Variants in PLD5 observed in about 807,000 individuals in gnomAD.
PLD5 encodes inactive phospholipase D5.
In PLD5, 36 loss-of-function variants were observed where a neutral mutation model predicts 61.1. The ratio of observed to expected loss-of-function variants is 0.59; its 90% CI spans 0.45 to 0.78. The LOEUF (loss-of-function observed/expected upper bound fraction) is 0.78, where lower values mean the gene tolerates loss of function less well. Among genes scored for constraint, PLD5 ranks in the 30% least tolerant of loss-of-function variants. The pLI, the probability that PLD5 is intolerant of heterozygous loss-of-function variation, is 0.00. For missense variants in PLD5, 515 were observed against 644.4 expected (o/e 0.80, Z 2.17); for synonymous variants, 243 against 242.8 (o/e 1.00, Z -0.01).
intron 5 of PLD5, among the ~76,000 whole-genome samples, chr1:242,147,351 C>A (rs777532055): frequency 3.3e-5 from 5 of 152,090 alleles, no homozygotes; most frequent in African/African-American, 4.8e-5. Flanking sequence ...TAGTTTGTTT[C>A]TTTTTATTGC....
At chr1:242,180,920 C>A (rs1441515520) in intron 5 of PLD5, among the ~76,000 whole-genome samples, 1 of 152,010 alleles carries the variant, frequency 6.6e-6, no homozygotes, top group Non-Finnish European at 1.5e-5. Context: ...GAGGTCAAGG[C>A]TGCAGTGAGC....
At chr1:242,494,083 GCCCTC>G (rs1337027323) in intron 1 of PLD5, among the ~76,000 whole-genome samples, 1 of 100,402 alleles carries the variant, frequency 1.0e-5, no homozygotes, top group Non-Finnish European at 1.9e-5. Flanking sequence ...CCCCTCCCCT[GCCCTC>G]CCTTCCCCTC....
At chr1:242,522,894 A>G (rs778174619) in intron 1 of PLD5, among the ~76,000 whole-genome samples, 1 of 152,188 alleles carries the variant, frequency 6.6e-6, no homozygotes, top group Non-Finnish European at 1.5e-5. Flanking sequence ...TCAAAGCTTC[A>G]TATTAGAGCT....
intron 1 of PLD5, among the ~76,000 whole-genome samples, chr1:242,495,930 G>A (rs911133315): frequency 2.0e-5 from 3 of 152,312 alleles, no homozygotes; most frequent in South Asian, 2.1e-4. Flanking sequence ...ACATGTTGTC[G>A]TGTTTCATGT....
At chr1:242,131,463 G>A (rs146218261) in intron 5 of PLD5, among the ~76,000 whole-genome samples, 10 of 152,304 alleles carry the variant, frequency 6.6e-5, no homozygotes, top group Non-Finnish European at 7.4e-5. Flanking sequence ...TTGATAACAA[G>A]AGAAGCAATG....
chr1:242,279,955 A>G (rs1055658571), intron 3 of PLD5, among the ~76,000 whole-genome samples: 1 of 152,186 alleles, frequency 6.6e-6, no homozygotes, highest in African/African-American at 2.4e-5. Flanking sequence ...TTCTTTTTGT[A>G]AGATTACATA....
intron 1 of PLD5, among the ~76,000 whole-genome samples, chr1:242,504,256 A>C (rs545377045): frequency 2.0e-5 from 3 of 152,336 alleles, no homozygotes; most frequent in Non-Finnish European, 4.4e-5. Context: ...TGTTGTTTTC[A>C]TCATTCTGGT....
At chr1:242,285,905 C>A (rs1163222905) in intron 3 of PLD5, among the ~76,000 whole-genome samples, 2 of 152,032 alleles carry the variant, frequency 1.3e-5, no homozygotes, top group Non-Finnish European at 2.9e-5. Context: ...GTCAGGAATT[C>A]GAGACCAGCC....
intron 5 of PLD5, among the ~76,000 whole-genome samples, chr1:242,170,137 G>GA (rs1338530417): frequency 6.6e-6 from 1 of 152,224 alleles, no homozygotes; most frequent in East Asian, 1.9e-4. Flanking sequence ...ATTCTGACTG[G>GA]AAGACAACTC....
intron 8 of PLD5, among the ~76,000 whole-genome samples, chr1:242,105,144 C>T (rs1043665455): frequency 6.6e-6 from 1 of 151,830 alleles, no homozygotes; most frequent in Non-Finnish European, 1.5e-5. Flanking sequence ...GGAAGGAATA[C>T]CAAGTACCAC....
chr1:242,472,583 A>C (rs983393945), intron 1 of PLD5, among the ~76,000 whole-genome samples: 1 of 152,224 alleles, frequency 6.6e-6, no homozygotes, highest in African/African-American at 2.4e-5. Flanking sequence ...CTGGAGTCAA[A>C]GTATAATGTT....
intron 2 of PLD5, among the ~76,000 whole-genome samples, chr1:242,305,526 A>G (rs1460452180): frequency 1.3e-5 from 2 of 152,134 alleles, no homozygotes; most frequent in Non-Finnish European, 2.9e-5. Context: ...CCAGGGCTAA[A>G]AGCGGAGACT....
At chr1:242,477,897 T>C (rs1383570146) in intron 1 of PLD5, among the ~76,000 whole-genome samples, 1 of 152,184 alleles carries the variant, frequency 6.6e-6, no homozygotes, top group Non-Finnish European at 1.5e-5. Flanking sequence ...AGAGTTCTGT[T>C]AAAAGATGTG....
In PLD5 at chr1:242,133,034, C is replaced by T. The variant is rs371779190; in HGVS notation, c.736-8369G>A. On this transcript the variant is annotated intron_variant, in intron 5 of 9. Coordinates refer to ENST00000536534, the MANE Select transcript of PLD5 (RefSeq NM_001372062.1). ...CCACTCCCCCCTCTCTTCCCACCCC[C>T]GCACACCGCCCACACCCCACACCTT... Among the ~76,000 whole-genome samples, 161 of 151,686 alleles carry T rather than the reference C, an allele frequency of 1.1e-3. 4 individuals are homozygous for T. In the South Asian group the frequency reaches 0.016, roughly 15 times the overall value.
intron 8 of PLD5, 49 bp downstream of exon 8, chr1:242,107,622 C>T (rs1661167156): frequency 2.7e-6 from 4 of 1,495,238 alleles, no homozygotes; most frequent in Non-Finnish European, 3.6e-6. Flanking sequence ...CACACACATG[C>T]AGAGGGCATT....
At chr1:242,488,822 G>A (rs980738719) in intron 1 of PLD5, among the ~76,000 whole-genome samples, 2 of 152,150 alleles carry the variant, frequency 1.3e-5, no homozygotes, top group African/African-American at 4.8e-5. Flanking sequence ...AAGGGAAGCT[G>A]TCAGGGAAGG....
At chr1:242,128,661 C>T (rs2252347) in intron 5 of PLD5, among the ~76,000 whole-genome samples, 58,587 of 151,944 alleles carry the variant, frequency 0.39, 12,041 homozygotes, top group East Asian at 0.61. Context: ...ATTTTGAAAA[C>T]TGACACCCAG....
intron 2 of PLD5, among the ~76,000 whole-genome samples, chr1:242,329,240 T>C (rs906673397): frequency 1.3e-5 from 2 of 152,102 alleles, no homozygotes; most frequent in African/African-American, 4.8e-5. Context: ...GAACTCCTGA[T>C]GTCAGGTGAT....
At chr1:242,117,909 G>A (rs1662073439) in intron 6 of PLD5, among the ~76,000 whole-genome samples, 4 of 152,176 alleles carry the variant, frequency 2.6e-5, no homozygotes, top group Admixed American at 2.6e-4. Context: ...TTTGGTTAAT[G>A]TGGAGAAGCT....
Sources: gnomAD v4.1 joint callset for allele counts (sites outside exome capture counted in the v4.1 genomes callset) on GRCh38, gnomAD v4.1.1 for gene constraint, MANE v1.5 for transcripts, NCBI Gene and HGNC (gene_info 2026-07-23, HGNC 2026-07-21) for gene names.